Variants in TMPO observed in about 807,000 individuals in gnomAD.
TMPO encodes LEM domain containing 4.
In TMPO, 22 loss-of-function variants were observed where a neutral mutation model predicts 45.4. The ratio of observed to expected loss-of-function variants is 0.48; its 90% CI spans 0.35 to 0.69. The LOEUF (loss-of-function observed/expected upper bound fraction) is 0.69. TMPO is among the 30% of genes least tolerant of loss of function. The pLI, the probability that TMPO is intolerant of heterozygous loss-of-function variation, is 0.01. For synonymous variants in TMPO, 241 were observed against 204.1 expected (o/e 1.18, Z -1.54); for missense variants, 512 against 548.8 (o/e 0.93, Z 0.67).
chr12:98,528,123 C>G (rs972509483), intron 2 of TMPO, 111 bp downstream of exon 2: 2 of 1,205,952 alleles, frequency 1.7e-6, no homozygotes, highest in Non-Finnish European at 1.2e-6. Context: ...TGTCATTAAT[C>G]ATTTGTTATC....
rs398044704 is a variant in TMPO at position 98,521,100 on chromosome 12, A to ATTTTTTT, written c.279+4973_279+4979dup. Among the ~76,000 whole-genome samples the ATTTTTTT allele has an allele frequency of 1.8e-3, 141 of 76,764 alleles. 9 individuals carry two copies. Among genetic ancestry groups the ATTTTTTT allele is most frequent in the African/African-American group, 7.4e-3 (132 of 17,800 alleles). The allele number at this position is 76,764 out of a possible 152,430, so 50.4% of individuals were successfully genotyped here. ...CTATTTAATCATGGGTTTATGAGGA[A>ATTTTTTT]TTTTTTTTTTTTTTTTTTTTTTTTT... On this transcript the variant is annotated intron_variant, in intron 1 of 8. Transcript: ENST00000556029.
At chr12:98,516,962 G>T (rs1465540432) in intron 1 of TMPO, among the ~76,000 whole-genome samples, 1 of 152,044 alleles carries the variant, frequency 6.6e-6, no homozygotes, top group African/African-American at 2.4e-5. Context: ...GGCATGCGCC[G>T]CCACGCCCGG....
rs1228236045 is a variant in TMPO at position 98,531,235 on chromosome 12, C to CTTTTT, written c.407-426_407-422dup. On this transcript the variant is annotated intron_variant, in intron 2 of 8. Transcript: ENST00000556029. Reference sequence around the variant, plus strand: ...GATTACAGGCATCAGCCACCACGTCCTTTTTTTTTTTTTTTTTTTTTTTAA... The same window carrying CTTTTT: ...GATTACAGGCATCAGCCACCACGTCCTTTTTTTTTTTTTTTTTTTTTTTTTTTTAA... Among the ~76,000 whole-genome samples the CTTTTT allele has an allele frequency of 1.9e-4, 21 of 111,080 alleles. 2 individuals are homozygous for CTTTTT. Among genetic ancestry groups the CTTTTT allele is most frequent in the African/African-American group, 2.4e-4 (7 of 29,618 alleles). 72.9% of individuals were successfully genotyped at this position (111,080 alleles called of 152,430 possible).
At chr12:98,544,162 C>A (rs779432437) in intron 4 of TMPO, 68 bp from the exon 5 acceptor site, 1 of 1,566,616 alleles carries the variant, frequency 6.4e-7, no homozygotes. Flanking sequence ...TCTCAGTGTG[C>A]CAGTATGGCC....
rs149394844 is a variant in TMPO at position 98,529,178 on chromosome 12, C to T, written c.406+1166C>T. Among the ~76,000 whole-genome samples the T allele has an allele frequency of 2.3e-3, 352 of 151,818 alleles. 4 individuals carry two copies. The highest frequency in any genetic ancestry group is 8.1e-3 in the African/African-American group (337 of 41,382). On this transcript the variant is annotated intron_variant, in intron 2 of 8. Coordinates refer to ENST00000556029, the MANE Select transcript of TMPO (RefSeq NM_001032283.3). ...AAGCAGTTCTCCAGCCTCAGCTTCC[C>T]GAATAGCTGGGATTACAGGCACCTG...
rs1878325544 is a variant in TMPO at position 98,547,927 on chromosome 12, A to G, written c.*69A>G. ...TAACTGTTGAAAAACATTTGTGTAC[A>G]CTTGTTGACTCCAAGAACTAAAAAT... On this transcript the variant is annotated 3_prime_UTR_variant, in exon 9 of 9. Transcript: ENST00000556029. The G allele has an allele frequency of 1.3e-6, 2 of 1,529,176 alleles. No homozygotes were observed. The highest frequency in any genetic ancestry group is 4.5e-5 in the East Asian group (2 of 44,472). The allele number at this position is 1,529,176 out of a possible 1,614,324, so 94.7% of individuals were successfully genotyped here.
intron 4 of TMPO, among the ~76,000 whole-genome samples, chr12:98,541,032 C>T (rs981852605): frequency 1.3e-5 from 2 of 150,712 alleles, no homozygotes; most frequent in African/African-American, 5.0e-5. Flanking sequence ...TGATCAGTTA[C>T]AGTCATCATT....
intron 8 of TMPO, 104 bp downstream of exon 8, chr12:98,546,551 T>C: frequency 2.1e-6 from 2 of 936,828 alleles, no homozygotes; most frequent in Non-Finnish European, 3.5e-6. Context: ...AATTAAGCTG[T>C]TTTTTTGGAG....
chr12:98,520,310 T>TTCCTTCCTTCCTTCCTTCCTTCCTTCC (rs755914522), intron 1 of TMPO, among the ~76,000 whole-genome samples: 1,689 of 99,524 alleles, frequency 0.017, 31 homozygotes, highest in South Asian at 0.029. Context: ...TCCTTCCTTC[T>TTCCTTCCTTCCTTCCTTCCTTCCTTCC]GTGTGTGTGA....
Position 98,546,438 on chromosome 12 carries a change from C to A in TMPO, c.1070C>A (p.Thr357Lys). 6.3e-7 allele frequency: 1 copy of A among 1,598,830 alleles called. No individual in the cohort carries two copies. The highest frequency in any genetic ancestry group is 8.6e-7 in the Non-Finnish European group (1 of 1,166,896). Residue 357 changes from threonine (T) to lysine (K), a missense_variant, in exon 8 of 9, where the codon ACA becomes AAA. Physicochemically the swap from Thr to Lys is moderately conservative, Grantham distance 78. Coordinates refer to ENST00000556029, the MANE Select transcript of TMPO (RefSeq NM_001032283.3). ...EMFPYEASTPTGISASCRRPI... is the reference protein window; with the variant it reads ...EMFPYEASTPKGISASCRRPI... ...TTCCCCTATGAAGCATCTACACCAACAGGAATTAGGTATTCAGATACATTT... is the reference window on the plus strand; with the variant it reads ...TTCCCCTATGAAGCATCTACACCAAAAGGAATTAGGTATTCAGATACATTT...
At chr12:98,526,029 G>A (rs78830853) in intron 1 of TMPO, among the ~76,000 whole-genome samples, 1,600 of 152,238 alleles carry the variant, frequency 0.011, 15 homozygotes, top group South Asian at 0.027. Flanking sequence ...AAAGGTATCC[G>A]TACTTTTGCT....
At chr12:98,534,504 T>C in intron 3 of TMPO, 1 of 1,438,274 alleles carries the variant, frequency 7.0e-7, no homozygotes. Context: ...TGTGTAGAAC[T>C]ACTTGTCTTT....
chr12:98,530,110 G>A (rs1032346419), intron 2 of TMPO, among the ~76,000 whole-genome samples: 2 of 152,092 alleles, frequency 1.3e-5, no homozygotes, highest in African/African-American at 2.4e-5. Context: ...GGCCAAGGTG[G>A]TGGAATTGCT....
chr12:98,533,984 C>T (rs1877394462), intron 3 of TMPO: 1 of 1,609,024 alleles, frequency 6.2e-7, no homozygotes, highest in Non-Finnish European at 8.5e-7. Context: ...TATGAAGCTG[C>T]AGCATCAGCA....
intron 1 of TMPO, among the ~76,000 whole-genome samples, chr12:98,518,602 A>G (rs949800156): frequency 6.7e-6 from 1 of 149,148 alleles, no homozygotes; most frequent in African/African-American, 2.5e-5. Flanking sequence ...TCTTTTACAC[A>G]GAAACAACCA....
intron 7 of TMPO, 97 bp from the exon 8 acceptor site, chr12:98,546,262 G>T: frequency 1.2e-6 from 1 of 822,912 alleles, no homozygotes; most frequent in Non-Finnish European, 2.1e-6. Flanking sequence ...AGATTTAAAG[G>T]CATTTTGTTC....
In TMPO at chr12:98,533,261, G is replaced by A. The variant is rs775599600; in HGVS notation, c.565+1423G>A. ...GAAAATATTTGCGGTAGAGAGAAAA[G>A]TGGAATTCAACCATTATGTCCTGAG... On this transcript the variant is annotated intron_variant, in intron 3 of 8. Transcript: ENST00000556029. 1.2e-6 allele frequency: 2 copies of A among 1,613,906 alleles called. No individual in the cohort carries two copies. Among genetic ancestry groups the A allele is most frequent in the Non-Finnish European group, 1.7e-6 (2 of 1,180,024 alleles).
intron 1 of TMPO, chr12:98,516,495 G>T (rs890560941): frequency 4.6e-6 from 5 of 1,092,868 alleles, no homozygotes; most frequent in African/African-American, 3.3e-5. Flanking sequence ...AAGCTCTGGA[G>T]GGGTGGCCCC....
At chr12:98,544,182 G>A (rs959942589) in intron 4 of TMPO, 48 bp from the exon 5 acceptor site, 4 of 1,607,530 alleles carry the variant, frequency 2.5e-6, no homozygotes, top group Non-Finnish European at 3.4e-6. Context: ...CGTTATTAAA[G>A]TATTTGATGT....
Sources: allele counts gnomAD v4.1 joint callset (sites outside exome capture counted in the v4.1 genomes callset), GRCh38; gene constraint gnomAD v4.1.1; transcripts MANE v1.5; gene names NCBI Gene and HGNC (gene_info 2026-07-23, HGNC 2026-07-21).